Variants in CCDC61 observed in about 807,000 individuals in gnomAD.
CCDC61 encodes centrosomal protein CCDC61.
CCDC61 carries 55 observed loss-of-function variants against 63.0 expected under a neutral mutation model. The observed-to-expected ratio is 0.87, with a 90% CI of 0.70 to 1.09. The LOEUF (loss-of-function observed/expected upper bound fraction) is 1.09, where lower values mean the gene tolerates loss of function less well. Among genes scored for constraint, CCDC61 ranks in the 50% least tolerant of loss-of-function variants. The probability of loss-of-function intolerance (pLI) is 0.00; values close to 1 mark genes in which losing one functional copy is unlikely to be tolerated. For synonymous variants in CCDC61, 270 were observed against 317.0 expected, an observed-to-expected ratio of 0.85 and a Z score of 1.58; for missense variants, 651 against 731.4, an observed-to-expected ratio of 0.89 and a Z score of 1.27.
intron 1 of CCDC61, 129 bp downstream of exon 1, chr19:45,995,633 A>ATC (rs1475785839): frequency 2.8e-6 from 1 of 362,726 alleles, no homozygotes; most frequent in Non-Finnish European, 5.5e-6. Flanking sequence ...ATCGGGAGGG[A>ATC]GGGTGCCCTT....
chr19:46,009,129 G>C (rs192154496), intron 5 of CCDC61, among the ~76,000 whole-genome samples: 6 of 152,270 alleles, frequency 3.9e-5, no homozygotes, highest in African/African-American at 1.4e-4. Context: ...TGGGGTGTAG[G>C]GTGGGTCAGG....
chr19:46,004,884 G>A (rs1306467971), intron 3 of CCDC61, among the ~76,000 whole-genome samples: 1 of 119,896 alleles, frequency 8.3e-6, no homozygotes, highest in Non-Finnish European at 1.6e-5. Flanking sequence ...TTGCTCGGTT[G>A]CCCAGGCTTA....
At chr19:46,008,113 G>A in intron 4 of CCDC61, 27 bp from the exon 5 acceptor site, 1 of 1,577,794 alleles carries the variant, frequency 6.3e-7, no homozygotes, top group Non-Finnish European at 8.6e-7. Context: ...CCTCTGAGAT[G>A]CCACGGTTTT....
At chr19:46,017,118 A>G in intron 11 of CCDC61, 49 bp downstream of exon 11, 1 of 1,574,352 alleles carries the variant, frequency 6.4e-7, no homozygotes. Flanking sequence ...GTTTCTGGGG[A>G]GACTAGAAAC....
Position 46,011,092 on chromosome 19 carries a change from C to T in CCDC61, c.551+2791C>T, listed in dbSNP as rs1052862382. ...TTTTTTTCAGTCTTGCTCTGTTGCC[C>T]AGGCTGGAGTGTGGTGGTACGATCT... On this transcript the variant is annotated intron_variant, in intron 5 of 13. Transcript: ENST00000595358. Among the ~76,000 whole-genome samples, 3 of 151,460 alleles carry T rather than the reference C, an allele frequency of 2.0e-5. 1 individual carries two copies. In the South Asian group the frequency reaches 6.2e-4, roughly 32 times the overall value.
chr19:46,000,154 G>A (rs1968564400), intron 1 of CCDC61: 5 of 708,102 alleles, frequency 7.1e-6, no homozygotes, highest in Non-Finnish European at 8.7e-6. Context: ...GAGAGGAGGG[G>A]TTGTTCAGAG....
At chr19:46,002,709 G>A (rs1019259128) in intron 1 of CCDC61, among the ~76,000 whole-genome samples, 2 of 152,076 alleles carry the variant, frequency 1.3e-5, no homozygotes, top group African/African-American at 4.8e-5. Context: ...CAGCCACCGC[G>A]CCCGGCTTGG....
rs1968966897 is a variant in CCDC61, at chr19:46,017,404, T to C, written c.1368+100T>C. 7.2e-6 allele frequency: 8 copies of C among 1,108,028 alleles called. No individual in the cohort carries two copies. The South Asian group carries it at 8.9e-5, about 12-fold the overall frequency. 68.6% of individuals were successfully genotyped at this position (1,108,028 alleles called of 1,614,324 possible). The stretch of plus-strand genomic sequence containing the variant: ...GTGCAGAGGCGACTCTGAATGCCTT[T>C]GGCAATAGGGCTTTTTTAAGAGTGC... On this transcript the variant is annotated intron_variant, in intron 12 of 13. Coordinates refer to ENST00000595358, the MANE Select transcript of CCDC61 (RefSeq NM_001267723.2).
intron 5 of CCDC61, among the ~76,000 whole-genome samples, chr19:46,013,849 G>A (rs1968874455): frequency 6.7e-6 from 1 of 149,856 alleles, no homozygotes; most frequent in South Asian, 2.1e-4. Context: ...CTGGGTGACA[G>A]AGCAAGACTC....
chr19:46,008,380 T>G, intron 5 of CCDC61, 79 bp downstream of exon 5: 1 of 1,116,120 alleles, frequency 9.0e-7, no homozygotes, highest in Admixed American at 2.5e-5. Context: ...CTCGGTCCTG[T>G]GGGGAGGATG....
intron 1 of CCDC61, among the ~76,000 whole-genome samples, chr19:46,001,795 A>C (rs1316007829): frequency 6.6e-6 from 1 of 152,188 alleles, no homozygotes; most frequent in African/African-American, 2.4e-5. Flanking sequence ...AACTTGCAAA[A>C]GGTTTTGGGA....
At position 46,018,325 on chromosome 19, in the gene CCDC61, G is replaced by A. The variant is rs138797770; in HGVS notation, c.1477G>A (p.Glu493Lys). 830 of 1,575,758 alleles carry A rather than the reference G, an allele frequency of 5.3e-4. 6 individuals carry two copies. The African/African-American group carries it at 9.8e-3, about 19-fold the overall frequency. ...SSEHQAADMA[E>K]IDARLKALQE... ...GGAGCACCAGGCGGCTGACATGGCC[G>A]AAATAGACGCACGCCTGAAGGCCTT... Residue 493 changes from glutamate to lysine, a missense_variant, in exon 14 of 14, where the codon GAA becomes AAA. Physicochemically the swap from Glu to Lys is moderately conservative, Grantham distance 56. Coordinates refer to ENST00000595358, the MANE Select transcript of CCDC61 (RefSeq NM_001267723.2). The surrounding 1 kb of genome is among the most constrained non-coding windows in gnomAD (Gnocchi z 4.2).
chr19:46,007,417 A>G (rs1177194385), intron 4 of CCDC61, among the ~76,000 whole-genome samples: 1 of 152,074 alleles, frequency 6.6e-6, no homozygotes, highest in Non-Finnish European at 1.5e-5. Context: ...CAGACATTGC[A>G]TCTATATCAA....
Position 46,015,897 on chromosome 19 carries a change from G to T in CCDC61, c.846-157G>T, listed in dbSNP as rs992700697. ...TAGGGGTCCAATTGGGTGAGGTCTG[G>T]GGGGGAAGATATCGAGAGGGTCATG... On this transcript the variant is annotated intron_variant, in intron 7 of 13. Transcript: ENST00000595358. This position sits in a 1 kb window ranked among gnomAD's most constrained non-coding sequence, Gnocchi z 5.3. Among the ~76,000 whole-genome samples the T allele has an allele frequency of 4.6e-5, 7 of 151,968 alleles. No individual in the cohort carries two copies. Among genetic ancestry groups the T allele is most frequent in the East Asian group, 3.9e-4 (2 of 5,166 alleles).
Position 46,016,822 on chromosome 19 carries a change from G to T in CCDC61, c.1220G>T (p.Arg407Leu), listed in dbSNP as rs552186467. The T allele has an allele frequency of 6.6e-7, 1 of 1,517,806 alleles. No individual in the cohort carries two copies. The highest frequency in any genetic ancestry group is 1.4e-5 in the African/African-American group (1 of 72,192). The allele number at this position is 1,517,806 out of a possible 1,614,324, so 94.0% of individuals were successfully genotyped here. A position where few individuals can be genotyped will look rare whatever the true frequency, so the allele number is the denominator to read the frequency against. ...RGDAPNRSRN[R>L]SSSVDSFRSR... ...GACGCCCCTAACCGCTCCCGAAACC[G>T]CAGCTCCTCAGGTAACTGGCCTGGA... The change falls in exon 10 of 14, where the codon CGC becomes CTC. Residue 407 changes from arginine to leucine, a missense_variant. By Grantham distance (102) the Arg-to-Leu change is moderately radical (BLOSUM62 -2). Coordinates refer to ENST00000595358, the MANE Select transcript of CCDC61 (RefSeq NM_001267723.2). This position sits in a 1 kb window ranked among gnomAD's most constrained non-coding sequence, Gnocchi z 7.2.
chr19:46,017,626 C>G (rs1429001834), intron 12 of CCDC61, among the ~76,000 whole-genome samples: 1 of 152,160 alleles, frequency 6.6e-6, no homozygotes, highest in African/African-American at 2.4e-5. Context: ...TCTGGAACTC[C>G]TGGCCTCAAG....
chr19:45,997,998 T>A (rs765010022), intron 1 of CCDC61, among the ~76,000 whole-genome samples: 3 of 152,202 alleles, frequency 2.0e-5, no homozygotes, highest in Admixed American at 6.5e-5. Context: ...TCACATCAAT[T>A]ACTGTTGGTT....
At chr19:46,007,375 C>G (rs916100418) in intron 4 of CCDC61, among the ~76,000 whole-genome samples, 2 of 152,106 alleles carry the variant, frequency 1.3e-5, no homozygotes, top group African/African-American at 4.8e-5. Context: ...ATCTTTATCT[C>G]TTCATGGCCA....
In CCDC61 at chr19:46,015,832, G is replaced by A. The variant is rs1170076121; in HGVS notation, c.846-222G>A. ...CGGAAAGAAGGGTCTGTTGAAGGCG[G>A]TGTGTTGAAAGGATGTAGGGGAATG... On this transcript the variant is annotated intron_variant, in intron 7 of 13. Coordinates refer to ENST00000595358, the MANE Select transcript of CCDC61 (RefSeq NM_001267723.2). The surrounding 1 kb of genome is among the most constrained non-coding windows in gnomAD (Gnocchi z 5.3). 6.6e-6 allele frequency among the ~76,000 whole-genome samples: 1 copy of A among 151,942 alleles called. No homozygotes were observed. Among genetic ancestry groups the A allele is most frequent in the Non-Finnish European group, 1.5e-5 (1 of 67,964 alleles).
Sources: gnomAD v4.1 joint callset for allele counts (sites outside exome capture counted in the v4.1 genomes callset) on GRCh38, gnomAD v4.1.1 for gene constraint, Gnocchi (gnomAD v3.1) non-coding constraint, MANE v1.5 for transcripts, NCBI Gene and HGNC (gene_info 2026-07-23, HGNC 2026-07-21) for gene names.